The following NKAIN2 variants were observed in gnomAD, a reference collection of about 807,000 sequenced individuals.
The protein encoded by NKAIN2 is sodium/potassium-transporting ATPase subunit beta-1-interacting protein 2.
In NKAIN2, 14 loss-of-function variants were observed where a neutral mutation model predicts 32.6. The observed-to-expected ratio is 0.43, with a 90% confidence interval of 0.28 to 0.67. The LOEUF is 0.67. Ranked by LOEUF, NKAIN2 falls within the 30% of genes least tolerant of loss-of-function variation. NKAIN2 has a pLI of 0.17. For missense variants in NKAIN2, 198 were observed against 258.3 expected, an observed-to-expected ratio of 0.77 and a Z score of 1.60; for synonymous variants, 80 against 87.2, an observed-to-expected ratio of 0.92 and a Z score of 0.46.
At chr6:124,601,283 T>G (rs1782297666) in intron 3 of NKAIN2, among the ~76,000 whole-genome samples, 1 of 152,070 alleles carries the variant, frequency 6.6e-6, no homozygotes, top group Non-Finnish European at 1.5e-5. Flanking sequence ...AAGAATGCCC[T>G]CTAATGCTAT....
intron 3 of NKAIN2, among the ~76,000 whole-genome samples, chr6:124,530,048 A>G (rs1456025820): frequency 6.6e-6 from 1 of 152,212 alleles, no homozygotes; most frequent in Non-Finnish European, 1.5e-5. Flanking sequence ...GAAGATATGT[A>G]TTAGTGACAG....
At chr6:124,549,227 G>T (rs1004518076) in intron 3 of NKAIN2, among the ~76,000 whole-genome samples, 2 of 152,086 alleles carry the variant, frequency 1.3e-5, no homozygotes, top group Admixed American at 6.6e-5. Context: ...AATTAGCCAG[G>T]TGTGGTGGCC....
intron 4 of NKAIN2, among the ~76,000 whole-genome samples, chr6:124,790,993 A>C (rs1779720972): frequency 2.0e-5 from 3 of 152,172 alleles, no homozygotes; most frequent in Admixed American, 1.3e-4. Context: ...GCTAATGAAA[A>C]GTAAACTAGA....
intron 4 of NKAIN2, among the ~76,000 whole-genome samples, chr6:124,678,462 T>C (rs919788231): frequency 1.3e-5 from 2 of 152,192 alleles, no homozygotes; most frequent in African/African-American, 4.8e-5. Context: ...TTGAGTTTGC[T>C]GATTGATTTT....
At chr6:124,717,806 A>G (rs6569393) in intron 4 of NKAIN2, among the ~76,000 whole-genome samples, 76,086 of 151,892 alleles carry the variant, frequency 0.5, 19,423 homozygotes, top group African/African-American at 0.56. Context: ...ATAAGCTTGA[A>G]AGTTTAGCCC....
At chr6:124,595,677 C>A (rs77969439) in intron 3 of NKAIN2, among the ~76,000 whole-genome samples, 3 of 152,056 alleles carry the variant, frequency 2.0e-5, no homozygotes, top group Non-Finnish European at 4.4e-5. Flanking sequence ...AATTAAAAAC[C>A]ATAGGGAACT....
At chr6:124,259,604 G>T (rs1033414920) in intron 1 of NKAIN2, among the ~76,000 whole-genome samples, 3 of 152,110 alleles carry the variant, frequency 2.0e-5, no homozygotes, top group Admixed American at 6.6e-5. Context: ...TACTAGTCTT[G>T]CTGTCATTGT....
intron 6 of NKAIN2, among the ~76,000 whole-genome samples, chr6:124,820,104 C>T (rs1781330097): frequency 6.6e-6 from 1 of 152,078 alleles, no homozygotes. Context: ...CAGTTGTTTG[C>T]TATGCATGCC....
At chr6:123,812,913 G>C (rs1446373771) in intron 1 of NKAIN2, among the ~76,000 whole-genome samples, 1 of 152,196 alleles carries the variant, frequency 6.6e-6, no homozygotes, top group Non-Finnish European at 1.5e-5. Context: ...GTCTTTGTGT[G>C]CATCTGTATT....
In NKAIN2 at chr6:123,917,842, C is replaced by T. The variant is rs116582355; in HGVS notation, c.54+113588C>T. 2.8e-3 allele frequency among the ~76,000 whole-genome samples: 431 copies of T among 152,094 alleles called. 2 individuals are homozygous for T. The highest frequency in any genetic ancestry group is 9.6e-3 in the African/African-American group (400 of 41,494). On this transcript the variant is annotated intron_variant, in intron 1 of 6. Transcript: ENST00000368417. ...TAAGTTCTCTTTGTAAAATTTTATC[C>T]GCCAGCAATGTTTAGGAAAAGTAAA...
rs1207173471 is a variant in NKAIN2 at position 124,206,726 on chromosome 6, A to C, written c.55-76279A>C. 2.0e-5 allele frequency among the ~76,000 whole-genome samples: 3 copies of C among 151,270 alleles called. No homozygotes were observed. In the East Asian group the frequency reaches 5.9e-4, roughly 30 times the overall value. On this transcript the variant is annotated intron_variant, in intron 1 of 6. Coordinates refer to ENST00000368417, the MANE Select transcript of NKAIN2 (RefSeq NM_001040214.3). ...TTTTAATATCTTTCTTTTCTTTCAC[A>C]CTCTTTTAAAGATGATTTTAAAGGA...
intron 3 of NKAIN2, among the ~76,000 whole-genome samples, chr6:124,453,964 A>C (rs1776219776): frequency 1.3e-5 from 2 of 152,128 alleles, no homozygotes; most frequent in South Asian, 4.1e-4. Flanking sequence ...AATAACTTTA[A>C]AGCCAGAAAA....
chr6:123,826,782 G>A lies in NKAIN2; in HGVS notation c.54+22528G>A, dbSNP rs533132708. Among the ~76,000 whole-genome samples the A allele has an allele frequency of 9.0e-4, 137 of 152,188 alleles. 1 individual carries two copies. Among genetic ancestry groups the A allele is most frequent in the African/African-American group, 3.1e-3 (129 of 41,542 alleles). The stretch of plus-strand genomic sequence containing the variant: ...GGGTTGCTTCTATCCTTTGAAAATT[G>A]TAAATAATACTGCTATGAATATAGG... On this transcript the variant is annotated intron_variant, in intron 1 of 6. Transcript: ENST00000368417.
At chr6:124,183,283 G>A (rs6936628) in intron 1 of NKAIN2, among the ~76,000 whole-genome samples, 3,004 of 152,098 alleles carry the variant, frequency 0.02, 82 homozygotes, top group African/African-American at 0.061. Flanking sequence ...CATTACACAT[G>A]TATATAAATA....
chr6:124,131,467 T>C (rs890099227), intron 1 of NKAIN2, among the ~76,000 whole-genome samples: 1 of 152,116 alleles, frequency 6.6e-6, no homozygotes, highest in South Asian at 2.1e-4. Flanking sequence ...ACCACAGGAA[T>C]GTACCAGGAA....
intron 5 of NKAIN2, among the ~76,000 whole-genome samples, chr6:124,817,884 G>A (rs1272195489): frequency 3.9e-5 from 6 of 152,126 alleles, no homozygotes; most frequent in African/African-American, 4.8e-5. Flanking sequence ...CAGCAATGTT[G>A]AGTTAATTTA....
chr6:124,152,513 A>G (rs1375563610), intron 1 of NKAIN2, among the ~76,000 whole-genome samples: 1 of 151,976 alleles, frequency 6.6e-6, no homozygotes, highest in Non-Finnish European at 1.5e-5. Context: ...GAAAATAACA[A>G]GTGTTGATGA....
intron 1 of NKAIN2, among the ~76,000 whole-genome samples, chr6:124,093,188 G>C (rs1784505783): frequency 6.6e-6 from 1 of 152,100 alleles, no homozygotes; most frequent in Non-Finnish European, 1.5e-5. Context: ...CTATGGGGAA[G>C]ACAACCATGG....
At chr6:124,436,106 T>A (rs1193955370) in intron 3 of NKAIN2, among the ~76,000 whole-genome samples, 1 of 152,176 alleles carries the variant, frequency 6.6e-6, no homozygotes, top group Non-Finnish European at 1.5e-5. Flanking sequence ...GTCTTTCTGC[T>A]TTATCAGCTA....
Sources: gnomAD v4.1 joint callset for allele counts (sites outside exome capture counted in the v4.1 genomes callset) on GRCh38, gnomAD v4.1.1 for gene constraint, MANE v1.5 for transcripts, NCBI Gene and HGNC (gene_info 2026-07-23, HGNC 2026-07-21) for gene names.